The following NKAIN3 variants were observed in gnomAD, a reference collection of about 807,000 sequenced individuals.
The protein encoded by NKAIN3 is sodium/potassium transporting ATPase interacting 3.
In NKAIN3, 25 loss-of-function variants were observed where a neutral mutation model predicts 30.2. That is an observed-to-expected ratio of 0.83 (90% CI 0.60 to 1.16). The LOEUF is 1.16. NKAIN3 is among the 50% of genes most tolerant of loss of function. NKAIN3 has a pLI of 0.00. For missense variants in NKAIN3, 225 were observed against 254.1 expected, an observed-to-expected ratio of 0.89 and a Z score of 0.78; for synonymous variants, 91 against 89.6, an observed-to-expected ratio of 1.02 and a Z score of -0.09.
At chr8:62,336,892 G>C (rs1193711866) in intron 1 of NKAIN3, among the ~76,000 whole-genome samples, 7 of 152,036 alleles carry the variant, frequency 4.6e-5, no homozygotes, top group Admixed American at 2.6e-4. Flanking sequence ...GGGCTGTACT[G>C]TTTGTCAAAG....
chr8:62,896,103 G>A (rs543149497), intron 4 of NKAIN3, among the ~76,000 whole-genome samples: 12 of 152,086 alleles, frequency 7.9e-5, no homozygotes, highest in East Asian at 1.9e-4. Context: ...TGTATTTGTC[G>A]CAGTTCTGGA....
At chr8:62,899,275 G>A (rs1821528912) in intron 4 of NKAIN3, among the ~76,000 whole-genome samples, 1 of 152,174 alleles carries the variant, frequency 6.6e-6, no homozygotes, top group African/African-American at 2.4e-5. Context: ...AGAGATATCT[G>A]CACTGCCATG....
intron 3 of NKAIN3, among the ~76,000 whole-genome samples, chr8:62,621,194 G>A (rs1280943001): frequency 6.6e-6 from 1 of 152,080 alleles, no homozygotes; most frequent in Non-Finnish European, 1.5e-5. Context: ...ATTCTGGAGA[G>A]TAGGAAAGGA....
intron 3 of NKAIN3, among the ~76,000 whole-genome samples, chr8:62,607,257 T>C (rs1563480952): frequency 6.6e-6 from 1 of 152,136 alleles, no homozygotes; most frequent in Non-Finnish European, 1.5e-5. Context: ...GACACCTGGA[T>C]TTTGGAATGA....
At chr8:62,487,318 C>A (rs1806933201) in intron 1 of NKAIN3, among the ~76,000 whole-genome samples, 1 of 152,122 alleles carries the variant, frequency 6.6e-6, no homozygotes, top group Non-Finnish European at 1.5e-5. Context: ...TTGTAATCAG[C>A]AGAAGCTCAG....
chr8:62,911,618 AT>A (rs1389089007), intron 4 of NKAIN3, among the ~76,000 whole-genome samples: 18 of 151,958 alleles, frequency 1.2e-4, no homozygotes, highest in Admixed American at 1.1e-3. Flanking sequence ...GAGACTCTTG[AT>A]CTGCCTGGCT....
At chr8:62,419,929 C>G (rs778398928) in intron 1 of NKAIN3, among the ~76,000 whole-genome samples, 1 of 152,158 alleles carries the variant, frequency 6.6e-6, no homozygotes, top group South Asian at 2.1e-4. Flanking sequence ...ATTAATCAAG[C>G]CATTTCCCAC....
rs75328138 is a variant in NKAIN3, at chr8:62,385,912, A to G, written c.54+136785A>G. ...TGCACCATCGTTTGTTCATCCATTC[A>G]ACACTTTAGGATTATTTTGCTCCTA... is the stretch of plus-strand genomic sequence containing the variant. On this transcript the variant is annotated intron_variant, in intron 1 of 6. Coordinates refer to ENST00000623646, the MANE Select transcript of NKAIN3 (RefSeq NM_001304533.3). 2.0e-3 allele frequency among the ~76,000 whole-genome samples: 305 copies of G among 152,264 alleles called. 1 individual carries two copies. Among genetic ancestry groups the G allele is most frequent in the African/African-American group, 7.0e-3 (291 of 41,554 alleles).
At chr8:62,610,347 GA>G (rs33941316) in intron 3 of NKAIN3, among the ~76,000 whole-genome samples, 40,519 of 135,254 alleles carry the variant, frequency 0.3, 6,273 homozygotes, top group African/African-American at 0.44. Context: ...CTCCGTCTCA[GA>G]AAAAAAAAAA....
chr8:62,855,380 A>G, intron 4 of NKAIN3: 1 of 767,514 alleles, frequency 1.3e-6, no homozygotes, highest in Non-Finnish European at 2.3e-6. Flanking sequence ...CAGCATGGGC[A>G]CAGTGAAATT....
intron 1 of NKAIN3, among the ~76,000 whole-genome samples, chr8:62,336,264 T>G (rs1424865303): frequency 6.6e-6 from 1 of 152,064 alleles, no homozygotes; most frequent in African/African-American, 2.4e-5. Flanking sequence ...GCTTATCCCT[T>G]TCCATGTTTT....
chr8:62,349,392 A>T (rs74730387), intron 1 of NKAIN3, among the ~76,000 whole-genome samples: 1 of 152,120 alleles, frequency 6.6e-6, no homozygotes, highest in Non-Finnish European at 1.5e-5. Context: ...CAAAAACCTA[A>T]CTATACAGGT....
chr8:62,955,096 T>C (rs1444405889), intron 6 of NKAIN3, among the ~76,000 whole-genome samples: 4 of 152,168 alleles, frequency 2.6e-5, no homozygotes, highest in African/African-American at 9.6e-5. Flanking sequence ...TATGTGAGGA[T>C]TGAAGATCTG....
At chr8:62,799,075 T>A (rs1042116399) in intron 4 of NKAIN3, among the ~76,000 whole-genome samples, 1 of 152,200 alleles carries the variant, frequency 6.6e-6, no homozygotes, top group Non-Finnish European at 1.5e-5. Flanking sequence ...GTTAAATGTT[T>A]TCTTTATCAA....
intron 1 of NKAIN3, among the ~76,000 whole-genome samples, chr8:62,290,303 G>C (rs542719307): frequency 1.3e-5 from 2 of 152,238 alleles, no homozygotes; most frequent in African/African-American, 4.8e-5. Flanking sequence ...GTGAGAGAGG[G>C]CATCCCTGTC....
At chr8:62,490,919 T>C (rs1220536594) in intron 1 of NKAIN3, among the ~76,000 whole-genome samples, 1 of 152,210 alleles carries the variant, frequency 6.6e-6, no homozygotes, top group African/African-American at 2.4e-5. Context: ...AATTCATGTA[T>C]AGTGCCAGCA....
At chr8:62,741,382 G>GGAAGGAAGGAAA (rs1815872826) in intron 3 of NKAIN3, among the ~76,000 whole-genome samples, 1 of 139,542 alleles carries the variant, frequency 7.2e-6, no homozygotes, top group African/African-American at 3.1e-5. Flanking sequence ...AAGGAAGGAA[G>GGAAGGAAGGAAA]GAAGGAAGGA....
rs201511724 is a variant in NKAIN3 at position 62,454,301 on chromosome 8, CA to C, written c.55-125216del. On this transcript the variant is annotated intron_variant, in intron 1 of 6. Transcript: ENST00000623646. ...ACCAACACTAACAATAGCTGATGTG[CA>C]AAAAAAAAAAAAAAAAAAAAATCTG... 2.6e-3 allele frequency among the ~76,000 whole-genome samples: 144 copies of C among 56,160 alleles called. 5 individuals are homozygous for C. Among genetic ancestry groups the C allele is most frequent in the South Asian group, 5.6e-3 (6 of 1,066 alleles). 36.8% of individuals were successfully genotyped at this position (56,160 alleles called of 152,430 possible).
chr8:62,322,157 G>C (rs1357132256), intron 1 of NKAIN3, among the ~76,000 whole-genome samples: 5 of 152,208 alleles, frequency 3.3e-5, no homozygotes, highest in African/African-American at 1.2e-4. Flanking sequence ...CTGGTATGCT[G>C]TTTGCTAAGA....
Sources: allele counts gnomAD v4.1 joint callset (sites outside exome capture counted in the v4.1 genomes callset), GRCh38; gene constraint gnomAD v4.1.1; transcripts MANE v1.5; gene names NCBI Gene and HGNC (gene_info 2026-07-23, HGNC 2026-07-21).